NAALADL2: variants seen among roughly 807,000 people sequenced by gnomAD.
The protein encoded by NAALADL2 is N-acetylated alpha-linked acidic dipeptidase like 2, also known as inactive N-acetylated-alpha-linked acidic dipeptidase-like protein 2.
Under a neutral mutation model 87.2 loss-of-function variants are expected in NAALADL2, and 76 were observed. That is an observed-to-expected ratio of 0.87 (90% CI 0.72 to 1.05). The LOEUF (loss-of-function observed/expected upper bound fraction) is 1.05, where lower values mean the gene tolerates loss of function less well. NAALADL2 is among the 50% of genes least tolerant of loss of function. The pLI is 0.00. For missense variants in NAALADL2, 1,089 were observed against 945.8 expected (o/e 1.15, Z -1.99); for synonymous variants, 354 against 331.0 (o/e 1.07, Z -0.75).
At chr3:174,816,417 T>TAC (rs1553863793) in intron 3 of NAALADL2, among the ~76,000 whole-genome samples, 21,346 of 149,868 alleles carry the variant, frequency 0.14, 2,225 homozygotes, top group African/African-American at 0.29. Flanking sequence ...TGTGTGCGTG[T>TAC]GTGTGTGTGT....
At chr3:175,173,010 G>A (rs1322796372) in intron 2 of NAALADL2, among the ~76,000 whole-genome samples, 1 of 151,992 alleles carries the variant, frequency 6.6e-6, no homozygotes, top group Non-Finnish European at 1.5e-5. Context: ...TTGCAATGAA[G>A]CCAGGTGCGG....
chr3:174,772,193 T>A (rs947673849), intron 3 of NAALADL2, among the ~76,000 whole-genome samples: 1 of 152,212 alleles, frequency 6.6e-6, no homozygotes, highest in Non-Finnish European at 1.5e-5. Context: ...TTGTAATTAA[T>A]ATATTCAATG....
At chr3:175,520,357 G>A (rs1391149013) in intron 9 of NAALADL2, among the ~76,000 whole-genome samples, 1 of 147,452 alleles carries the variant, frequency 6.8e-6, no homozygotes, top group African/African-American at 2.5e-5. Context: ...GGACTGCAGT[G>A]GTGCAATCTC....
chr3:174,476,351 C>T (rs1221220221), intron 1 of NAALADL2, among the ~76,000 whole-genome samples: 1 of 150,416 alleles, frequency 6.6e-6, no homozygotes, highest in Non-Finnish European at 1.5e-5. Flanking sequence ...CTTTATAGAT[C>T]AGTTATGATA....
intron 11 of NAALADL2, among the ~76,000 whole-genome samples, chr3:175,712,249 T>C (rs972077659): frequency 6.6e-6 from 1 of 152,054 alleles, no homozygotes; most frequent in African/African-American, 2.4e-5. Context: ...TTCTTCCCTA[T>C]TGACATTTCA....
chr3:175,215,288 C>CA (rs754925670), intron 2 of NAALADL2, among the ~76,000 whole-genome samples: 3 of 152,272 alleles, frequency 2.0e-5, no homozygotes, highest in Admixed American at 6.5e-5. Context: ...ATATCACCAA[C>CA]AAAAACTTAC....
At chr3:175,269,559 G>C (rs538886817) in intron 4 of NAALADL2, among the ~76,000 whole-genome samples, 3 of 152,290 alleles carry the variant, frequency 2.0e-5, no homozygotes, top group Admixed American at 2.0e-4. Context: ...CCTGTGCGGA[G>C]CCACGACTTT....
chr3:175,392,305 A>AT (rs764856475), intron 5 of NAALADL2, among the ~76,000 whole-genome samples: 5 of 152,068 alleles, frequency 3.3e-5, no homozygotes, highest in African/African-American at 9.7e-5. Flanking sequence ...TGGTCTACAA[A>AT]TTTTTTTTGT....
intron 3 of NAALADL2, among the ~76,000 whole-genome samples, chr3:175,246,283 C>T (rs774979605): frequency 9.2e-5 from 14 of 152,118 alleles, no homozygotes; most frequent in Non-Finnish European, 1.5e-4. Flanking sequence ...AGCAGAAACT[C>T]GTTTTTAGGT....
chr3:175,806,126 T>C lies in NAALADL2; in HGVS notation c.*2923T>C, dbSNP rs1241335277. Reference sequence around the variant, plus strand: ...CAGTGCATTCGATGTAACCAGCCATTCTGTCAGATGTTGCATGGGCTGGAA... The same window carrying C: ...CAGTGCATTCGATGTAACCAGCCATCCTGTCAGATGTTGCATGGGCTGGAA... On this transcript the variant is annotated 3_prime_UTR_variant, in exon 14 of 14. Transcript: ENST00000454872. The C allele has an allele frequency of 1.3e-5, 2 of 151,916 alleles. No homozygotes were observed. The highest frequency in any genetic ancestry group is 6.6e-5 in the Admixed American group (1 of 15,212). 9.4% of individuals were successfully genotyped at this position (151,916 alleles called of 1,614,324 possible).
At chr3:174,480,188 AG>A (rs1296934177) in intron 1 of NAALADL2, among the ~76,000 whole-genome samples, 1 of 152,184 alleles carries the variant, frequency 6.6e-6, no homozygotes, top group African/African-American at 2.4e-5. Context: ...GGGAGAAACA[AG>A]CAAACGCTAA....
At chr3:175,560,446 T>C (rs1295728465) in intron 9 of NAALADL2, among the ~76,000 whole-genome samples, 1 of 152,192 alleles carries the variant, frequency 6.6e-6, no homozygotes, top group Non-Finnish European at 1.5e-5. Context: ...TTTTCAATAT[T>C]GTTTTTATTT....
intron 2 of NAALADL2, among the ~76,000 whole-genome samples, chr3:174,638,008 G>A (rs570625505): frequency 2.6e-5 from 4 of 152,128 alleles, no homozygotes; most frequent in Non-Finnish European, 4.4e-5. Flanking sequence ...AAAGAAATAA[G>A]TATCAATGAA....
intron 11 of NAALADL2, among the ~76,000 whole-genome samples, chr3:175,729,147 T>C (rs1743328172): frequency 6.6e-6 from 1 of 152,216 alleles, no homozygotes; most frequent in Non-Finnish European, 1.5e-5. Context: ...TTTAACTTAA[T>C]TTTTAACTTC....
chr3:174,846,921 G>T (rs1001596639), intron 3 of NAALADL2, among the ~76,000 whole-genome samples: 8 of 152,144 alleles, frequency 5.3e-5, no homozygotes, highest in Non-Finnish European at 8.8e-5. Flanking sequence ...TTAGGGAATT[G>T]TTCTCCAGGC....
chr3:175,446,434 G>A (rs906591242), intron 5 of NAALADL2, among the ~76,000 whole-genome samples: 1 of 152,042 alleles, frequency 6.6e-6, no homozygotes. Context: ...TATGCACGGG[G>A]TTTCACCTTA....
intron 1 of NAALADL2, among the ~76,000 whole-genome samples, chr3:174,977,626 A>C (rs768758392): frequency 2.5e-4 from 38 of 152,146 alleles, no homozygotes; most frequent in Non-Finnish European, 4.9e-4. Flanking sequence ...CCAATATATA[A>C]TATAAAAGGC....
At chr3:175,384,065 A>G (rs1560467918) in intron 5 of NAALADL2, among the ~76,000 whole-genome samples, 1 of 151,904 alleles carries the variant, frequency 6.6e-6, no homozygotes, top group Non-Finnish European at 1.5e-5. Context: ...TCATTTGCCT[A>G]TTTATTTTTG....
intron 3 of NAALADL2, among the ~76,000 whole-genome samples, chr3:174,829,163 G>A (rs1336349428): frequency 6.6e-6 from 1 of 151,618 alleles, no homozygotes; most frequent in South Asian, 2.1e-4. Flanking sequence ...TGTACACATT[G>A]TGCAGGTTAG....
Sources: gnomAD v4.1 joint callset for allele counts (sites outside exome capture counted in the v4.1 genomes callset) on GRCh38, gnomAD v4.1.1 for gene constraint, MANE v1.5 for transcripts, NCBI Gene and HGNC (gene_info 2026-07-23, HGNC 2026-07-21) for gene names.